KLHL13: variants seen among roughly 807,000 people sequenced by gnomAD.
KLHL13 encodes kelch like family member 13, also known as kelch-like protein 13.
Under a neutral mutation model 37.1 loss-of-function variants are expected in KLHL13, and 10 were observed. The observed-to-expected ratio is 0.27, with a 90% CI of 0.17 to 0.46. KLHL13 has a LOEUF of 0.46. Ranked by LOEUF, KLHL13 falls within the 20% of genes least tolerant of loss-of-function variation. The pLI is 1.00. For synonymous variants in KLHL13, 163 were observed against 181.2 expected (o/e 0.90, Z 0.81); for missense variants, 360 against 509.3 (o/e 0.71, Z 2.82).
Position 117,985,447 on chromosome X carries a change from T to A in KLHL13, c.-55-39872A>T, listed in dbSNP as rs866623105. 7.6e-4 allele frequency: 463 copies of A among 607,786 alleles called. 1 individual carries two copies. Among genetic ancestry groups the A allele is most frequent in the Non-Finnish European group, 7.9e-4 (378 of 480,327 alleles). 50.1% of individuals were successfully genotyped at this position (607,786 alleles called of 1,213,427 possible). ...AAAGCAGAAACAGGCTTTATATATT[T>A]AAAAAAAAAAAAAAAAACCTATGTA... On this transcript the variant is annotated intron_variant, in intron 1 of 6. Transcript: ENST00000371882.
intron 1 of KLHL13, among the ~76,000 whole-genome samples, chrX:118,071,055 C>T (rs372818229): frequency 1.5e-4 from 17 of 111,093 alleles, no homozygotes; most frequent in African/African-American, 2.6e-4. Context: ...TGATTTCCAA[C>T]TTCATCCATG....
At chrX:118,021,130 T>G (rs2054203810) in intron 1 of KLHL13, among the ~76,000 whole-genome samples, 1 of 107,539 alleles carries the variant, frequency 9.3e-6, no homozygotes. Context: ...ACCCTAAAAC[T>G]TAAAGTATAA....
At chrX:118,023,771 C>T (rs753854216) in intron 1 of KLHL13, among the ~76,000 whole-genome samples, 1 of 111,061 alleles carries the variant, frequency 9.0e-6, no homozygotes, top group Admixed American at 9.6e-5. Context: ...AGGATTTCAC[C>T]ATGTTGGCCA....
chrX:118,097,313 G>T (rs920071588), intron 1 of KLHL13, among the ~76,000 whole-genome samples: 1 of 111,182 alleles, frequency 9.0e-6, no homozygotes, highest in Admixed American at 9.6e-5. Context: ...AGATCATGAG[G>T]GAACTCCCAT....
At chrX:118,105,896 T>TC (rs2055340805) in intron 1 of KLHL13, among the ~76,000 whole-genome samples, 2 of 77,203 alleles carry the variant, frequency 2.6e-5, no homozygotes, top group African/African-American at 1.1e-4. Flanking sequence ...AAACAGCTTT[T>TC]TTTTTTTTTT....
chrX:118,084,581 C>T (rs1415041293), intron 1 of KLHL13, among the ~76,000 whole-genome samples: 1 of 111,778 alleles, frequency 8.9e-6, no homozygotes, highest in Non-Finnish European at 1.9e-5. Context: ...TTCCAACTCT[C>T]AACTTTTATC....
At chrX:118,075,195 TAA>T (rs753543198) in intron 1 of KLHL13, among the ~76,000 whole-genome samples, 1 of 111,455 alleles carries the variant, frequency 9.0e-6, no homozygotes, top group South Asian at 3.8e-4. Context: ...ATAAGGGAGA[TAA>T]AACATAAACC....
chrX:118,020,612 T>C (rs1276147777), intron 1 of KLHL13, among the ~76,000 whole-genome samples: 3 of 110,698 alleles, frequency 2.7e-5, no homozygotes, highest in Non-Finnish European at 5.7e-5. Flanking sequence ...GAACTAGAAA[T>C]ACCATTTGAC....
intron 1 of KLHL13, among the ~76,000 whole-genome samples, chrX:117,953,893 A>T (rs2033217660): frequency 8.9e-6 from 1 of 111,749 alleles, no homozygotes; most frequent in African/African-American, 3.2e-5. Flanking sequence ...CAACACTAAA[A>T]ATCTTTCATG....
intron 5 of KLHL13, among the ~76,000 whole-genome samples, chrX:117,906,720 G>T (rs763442420): frequency 9.0e-6 from 1 of 111,409 alleles, no homozygotes; most frequent in African/African-American, 3.3e-5. Context: ...TGATGGGTAT[G>T]CTGATTTTAA....
chrX:117,962,021 C>A (rs2053305738), intron 1 of KLHL13, among the ~76,000 whole-genome samples: 2 of 96,484 alleles, frequency 2.1e-5, no homozygotes. Flanking sequence ...CCTGGTAACA[C>A]AGCGAGACCT....
rs1488907171 is a variant in KLHL13 at position 117,962,989 on chromosome X, C to T, written c.98+9742G>A. Among the ~76,000 whole-genome samples, 3 of 112,112 alleles carry T rather than the reference C, an allele frequency of 2.7e-5. No homozygotes were observed. In the Admixed American group the frequency reaches 2.8e-4, roughly 11 times the overall value. On this transcript the variant is annotated intron_variant, in intron 1 of 6. Transcript: ENST00000262820. ...GGAAAATAAATTGTATTACATTTAACTATGCTAAACTAGGACATTTTAAAA... is the reference window on the plus strand; with the variant it reads ...GGAAAATAAATTGTATTACATTTAATTATGCTAAACTAGGACATTTTAAAA...
intron 1 of KLHL13, among the ~76,000 whole-genome samples, chrX:118,096,155 A>C (rs1157702689): frequency 9.0e-6 from 1 of 111,656 alleles, no homozygotes; most frequent in African/African-American, 3.3e-5. Flanking sequence ...TTTTTTGAAA[A>C]GATCATCAAA....
intron 1 of KLHL13, among the ~76,000 whole-genome samples, chrX:118,048,542 T>C (rs2054582879): frequency 9.0e-6 from 1 of 111,574 alleles, no homozygotes; most frequent in Non-Finnish European, 1.9e-5. Context: ...GGTGGCTACA[T>C]GGGCAACTGT....
chrX:118,071,939 A>G (rs1426810129), intron 1 of KLHL13, among the ~76,000 whole-genome samples: 1 of 110,528 alleles, frequency 9.0e-6, no homozygotes, highest in East Asian at 2.8e-4. Flanking sequence ...CATCCCCATC[A>G]AGCTACCAAT....
intron 1 of KLHL13, among the ~76,000 whole-genome samples, chrX:118,045,041 G>A (rs2054543760): frequency 8.9e-6 from 1 of 111,778 alleles, no homozygotes; most frequent in Non-Finnish European, 1.9e-5. Flanking sequence ...AAGGAGCTCA[G>A]CAACTCTATA....
intron 2 of KLHL13, among the ~76,000 whole-genome samples, chrX:117,924,928 GT>G (rs1227604942): frequency 9.0e-6 from 1 of 110,651 alleles, no homozygotes. Context: ...AATGTTTAAT[GT>G]TTTTAAACAT....
At chrX:118,090,785 C>T (rs1313545142) in intron 1 of KLHL13, among the ~76,000 whole-genome samples, 4 of 109,649 alleles carry the variant, frequency 3.6e-5, no homozygotes. Flanking sequence ...TGGGTATATA[C>T]CCAAAGGATT....
At chrX:118,037,887 T>C (rs1353577865) in intron 1 of KLHL13, among the ~76,000 whole-genome samples, 2 of 111,856 alleles carry the variant, frequency 1.8e-5, no homozygotes, top group South Asian at 3.7e-4. Context: ...TCTATGAGGA[T>C]AGCCAGAGTG....
Sources: gnomAD v4.1 joint callset for allele counts (sites outside exome capture counted in the v4.1 genomes callset) on GRCh38, gnomAD v4.1.1 for gene constraint, MANE v1.5 for transcripts, NCBI Gene and HGNC (gene_info 2026-07-23, HGNC 2026-07-21) for gene names.